Variants in NTN1 observed in about 807,000 individuals in gnomAD.
The protein encoded by NTN1 is netrin-1.
In NTN1, 11 loss-of-function variants were observed where a neutral mutation model predicts 54.2. That is an observed-to-expected ratio of 0.20 (90% CI 0.13 to 0.34). NTN1 has a LOEUF of 0.34. Ranked by LOEUF, NTN1 falls within the 10% of genes least tolerant of loss-of-function variation. The probability of loss-of-function intolerance (pLI) is 1.00; values close to 1 mark genes in which losing one functional copy is unlikely to be tolerated. For synonymous variants in NTN1, 371 were observed against 382.0 expected (o/e 0.97, Z 0.33); for missense variants, 740 against 893.1 (o/e 0.83, Z 2.18).
At chr17:9,133,754 A>ATTTTTTGTTT (rs2092272750) in intron 2 of NTN1, among the ~76,000 whole-genome samples, 1 of 104,558 alleles carries the variant, frequency 9.6e-6, no homozygotes, top group African/African-American at 4.1e-5. Context: ...TGCCCAGCTA[A>ATTTTTTGTTT]TTTTTTTTTT....
chr17:9,138,255 A>T (rs994793021), intron 2 of NTN1, among the ~76,000 whole-genome samples: 1 of 152,186 alleles, frequency 6.6e-6, no homozygotes, highest in South Asian at 2.1e-4. Context: ...TTTCATTTGC[A>T]TAAATTTTAG....
chr17:9,118,301 A>C (rs1048688307), intron 2 of NTN1, among the ~76,000 whole-genome samples: 2 of 152,118 alleles, frequency 1.3e-5, no homozygotes, highest in Non-Finnish European at 2.9e-5. Context: ...GGGTGGATCA[A>C]CTGAGGTCAG....
intron 5 of NTN1, among the ~76,000 whole-genome samples, chr17:9,209,359 T>G (rs1295308649): frequency 6.6e-6 from 1 of 152,224 alleles, no homozygotes; most frequent in Non-Finnish European, 1.5e-5. Flanking sequence ...TATTCTAGAT[T>G]GGAGACATTA....
At chr17:9,180,465 GCCTGT>G (rs535637748) in intron 4 of NTN1, among the ~76,000 whole-genome samples, 6 of 152,148 alleles carry the variant, frequency 3.9e-5, no homozygotes, top group Non-Finnish European at 7.3e-5. Flanking sequence ...AGCAGAGCCA[GCCTGT>G]CTGAGGCTGT....
At chr17:9,080,637 T>A (rs78778682) in intron 2 of NTN1, among the ~76,000 whole-genome samples, 3,496 of 152,282 alleles carry the variant, frequency 0.023, 58 homozygotes, top group Middle Eastern at 0.058. Context: ...GGATGGAGGA[T>A]GGTTACCAGA....
intron 2 of NTN1, among the ~76,000 whole-genome samples, chr17:9,090,504 A>G (rs1320774223): frequency 6.6e-6 from 1 of 152,060 alleles, no homozygotes; most frequent in Non-Finnish European, 1.5e-5. Flanking sequence ...TTACCAAAGC[A>G]GGTAAGGACT....
At chr17:9,005,067 C>A in the NTN1 span, among the ~76,000 whole-genome samples, 2 of 152,094 alleles carry the variant, frequency 1.3e-5, no homozygotes, top group Admixed American at 6.6e-5. Flanking sequence ...TAGAAGGATC[C>A]CAGGCACCGC....
Position 9,182,923 on chromosome 17 carries a change from T to G in NTN1, c.1365T>G (p.Pro455=). The G allele has an allele frequency of 6.2e-7, 1 of 1,614,098 alleles. No homozygotes were observed. The highest frequency in any genetic ancestry group is 8.5e-7 in the Non-Finnish European group (1 of 1,180,016). The change falls in exon 5 of 7, where the codon CCT becomes CCG. Residue 455 remains proline, a synonymous_variant. Transcript: ENST00000173229. ...GTCTTGAACCTCACAAAGAGATCCC[T>G]GTAGCGCCGCCGACGACTGCAGCCA... The part of the protein sequence containing the change: ...RSPIAPCIKI[P]VAPPTTAASS...
intron 2 of NTN1, among the ~76,000 whole-genome samples, chr17:9,120,717 G>A (rs1188687307): frequency 6.6e-6 from 1 of 152,180 alleles, no homozygotes; most frequent in Admixed American, 6.5e-5. Context: ...AGAGTTGGTG[G>A]GGGTCCCAGG....
At chr17:9,197,020 T>C (rs1904651724) in intron 5 of NTN1, among the ~76,000 whole-genome samples, 1 of 150,538 alleles carries the variant, frequency 6.6e-6, no homozygotes, top group African/African-American at 2.5e-5. Context: ...AGTTGACAAA[T>C]GGTAAAATCA....
chr17:9,117,022 A>T (rs1201491239), intron 2 of NTN1, among the ~76,000 whole-genome samples: 5 of 149,362 alleles, frequency 3.3e-5, no homozygotes, highest in Non-Finnish European at 3.0e-5. Flanking sequence ...GGGGGGTGGG[A>T]GAGGGCTGGG....
chr17:9,179,274 C>A (rs1255894102), intron 3 of NTN1, among the ~76,000 whole-genome samples: 3 of 152,180 alleles, frequency 2.0e-5, no homozygotes, highest in Admixed American at 6.5e-5. Context: ...TGGGGGGCAG[C>A]AGCTGGGGGA....
intron 6 of NTN1, among the ~76,000 whole-genome samples, chr17:9,234,562 A>G (rs1473164670): frequency 6.6e-6 from 1 of 152,150 alleles, no homozygotes. Flanking sequence ...AGTCAGCCCA[A>G]CCCATTCAGC....
In NTN1 at chr17:9,023,012, C is replaced by G; in HGVS notation, c.639C>G (p.Leu213=). 1 of 1,603,960 alleles carries G rather than the reference C, an allele frequency of 6.2e-7. No individual in the cohort carries two copies. Among genetic ancestry groups the G allele is most frequent in the Non-Finnish European group, 8.5e-7 (1 of 1,176,440 alleles). Residue 213 remains leucine (L), a synonymous_variant, in exon 2 of 7, where the codon CTC becomes CTG. Coordinates refer to ENST00000173229, the MANE Select transcript of NTN1 (RefSeq NM_004822.3). ...CTDSHTDMRP[L]SGGLIAFSTL... is the part of the protein sequence containing the mutation. The stretch of plus-strand genomic sequence containing the variant: ...ACTCGCACACCGACATGCGCCCGCT[C>G]TCGGGCGGCCTCATCGCCTTCAGCA...
intron 5 of NTN1, among the ~76,000 whole-genome samples, chr17:9,193,641 G>A (rs8071180): frequency 0.36 from 54,752 of 151,936 alleles, 10,323 homozygotes; most frequent in Middle Eastern, 0.48. Context: ...AACATTATGC[G>A]GCTGGGCACG....
chr17:9,150,052 A>C (rs925027285), intron 2 of NTN1, among the ~76,000 whole-genome samples: 1 of 152,124 alleles, frequency 6.6e-6, no homozygotes, highest in Non-Finnish European at 1.5e-5. Context: ...AAATACAAAA[A>C]TTAGCTCAGC....
intron 5 of NTN1, among the ~76,000 whole-genome samples, chr17:9,195,548 C>T (rs1298266797): frequency 1.3e-5 from 2 of 151,910 alleles, no homozygotes; most frequent in Non-Finnish European, 2.9e-5. Flanking sequence ...AGGGGTGGGG[C>T]AGTGCAGGCT....
intron 5 of NTN1, among the ~76,000 whole-genome samples, chr17:9,205,796 G>A (rs1417464912): frequency 6.6e-6 from 1 of 152,258 alleles, no homozygotes; most frequent in Non-Finnish European, 1.5e-5. Context: ...CAGTGACTTT[G>A]GATGCTGAAC....
chr17:9,183,016 G>T, intron 5 of NTN1, 47 bp downstream of exon 5: 6 of 1,570,502 alleles, frequency 3.8e-6, no homozygotes, highest in Non-Finnish European at 5.3e-6. Flanking sequence ...GCTGGGTGGT[G>T]GGGTGGTGGG....
Sources: gnomAD v4.1 joint callset for allele counts (sites outside exome capture counted in the v4.1 genomes callset) on GRCh38, gnomAD v4.1.1 for gene constraint, MANE v1.5 for transcripts, NCBI Gene and HGNC (gene_info 2026-07-23, HGNC 2026-07-21) for gene names.